Variants in GRM8 observed in about 807,000 individuals in gnomAD.
GRM8 encodes the protein metabotropic glutamate receptor 8.
A neutral mutation model predicts 87.2 loss-of-function variants in GRM8; 47 were observed. The ratio of observed to expected loss-of-function variants is 0.54; its 90% CI spans 0.43 to 0.69. The LOEUF (loss-of-function observed/expected upper bound fraction) is 0.69. Ranked by LOEUF, GRM8 falls within the 30% of genes least tolerant of loss-of-function variation. The pLI is 0.00. For synonymous variants in GRM8, 396 were observed against 404.5 expected (o/e 0.98, Z 0.25); for missense variants, 1,019 against 1,139.2 (o/e 0.89, Z 1.52).
intron 7 of GRM8, among the ~76,000 whole-genome samples, chr7:126,696,400 A>G (rs927830212): frequency 1.3e-5 from 2 of 152,030 alleles, no homozygotes; most frequent in Non-Finnish European, 2.9e-5. Flanking sequence ...TACTCCTGAC[A>G]GGCCCCAGTG....
intron 8 of GRM8, among the ~76,000 whole-genome samples, chr7:126,583,498 C>T (rs915855404): frequency 6.6e-6 from 1 of 152,102 alleles, no homozygotes; most frequent in African/African-American, 2.4e-5. Context: ...AAAGGCTTCA[C>T]CATTCTAGAT....
chr7:127,176,898 G>A (rs1437331080), intron 2 of GRM8, among the ~76,000 whole-genome samples: 2 of 152,128 alleles, frequency 1.3e-5, no homozygotes, highest in Non-Finnish European at 2.9e-5. Flanking sequence ...GGCACCACAG[G>A]GATCCATTGG....
rs1055804760 is a variant in GRM8 at position 126,661,298 on chromosome 7, C to T, written c.1358-51800G>A. On this transcript the variant is annotated intron_variant, in intron 7 of 10. Transcript: ENST00000339582. ...TCATGTACCCCATAAGTATATATAC[C>T]TACAATATACCTACACAAATTAAAA... Among the ~76,000 whole-genome samples the T allele has an allele frequency of 3.4e-5, 5 of 145,490 alleles. No homozygotes were observed. In the East Asian group the frequency reaches 5.8e-4, roughly 17 times the overall value.
Position 126,926,211 on chromosome 7 carries a change from G to C in GRM8, c.728-21528C>G, listed in dbSNP as rs182428697. The stretch of plus-strand genomic sequence containing the variant: ...GTGTAAGCTATCAGGAGTTCTGAAA[G>C]TTAATAAAATTTTAAATTATAGCTC... On this transcript the variant is annotated intron_variant, in intron 3 of 10. Coordinates refer to ENST00000339582, the MANE Select transcript of GRM8 (RefSeq NM_000845.3). 7.9e-5 allele frequency among the ~76,000 whole-genome samples: 12 copies of C among 152,236 alleles called. No individual in the cohort carries two copies. The East Asian group carries it at 2.3e-3, about 29-fold the overall frequency.
intron 3 of GRM8, among the ~76,000 whole-genome samples, chr7:126,919,372 G>A (rs1403117609): frequency 6.6e-6 from 1 of 152,098 alleles, no homozygotes; most frequent in Admixed American, 6.6e-5. Flanking sequence ...GTTCTAATAC[G>A]GGAATAGAAC....
intron 3 of GRM8, among the ~76,000 whole-genome samples, chr7:126,976,516 C>T (rs879757246): frequency 5.9e-5 from 9 of 152,104 alleles, no homozygotes; most frequent in Non-Finnish European, 1.0e-4. Context: ...ATCGCTTGAA[C>T]CTAGGAGGCG....
chr7:127,009,062 C>T lies in GRM8; in HGVS notation c.727+97434G>A, dbSNP rs527672481. On this transcript the variant is annotated intron_variant, in intron 3 of 10. Coordinates refer to ENST00000339582, the MANE Select transcript of GRM8 (RefSeq NM_000845.3). ...ACTTTTCCTGTAGTGACAGGGGAAACCAATGATCCAGTTTTTTTTTTTTCC... is the reference window on the plus strand; with the variant it reads ...ACTTTTCCTGTAGTGACAGGGGAAATCAATGATCCAGTTTTTTTTTTTTCC... 2.4e-3 allele frequency among the ~76,000 whole-genome samples: 359 copies of T among 152,052 alleles called. 4 individuals are homozygous for T. Among genetic ancestry groups the T allele is most frequent in the Middle Eastern group, 6.8e-3 (2 of 294 alleles).
At chr7:127,216,472 C>T (rs961038181) in intron 2 of GRM8, among the ~76,000 whole-genome samples, 1 of 145,200 alleles carries the variant, frequency 6.9e-6, no homozygotes, top group Non-Finnish European at 1.5e-5. Flanking sequence ...GAGCCAAGAT[C>T]GCGCCACTGC....
chr7:127,250,476 C>T (rs1798807865), intron 1 of GRM8, among the ~76,000 whole-genome samples: 1 of 152,222 alleles, frequency 6.6e-6, no homozygotes, highest in Non-Finnish European at 1.5e-5. Context: ...TTGTCTCCTA[C>T]AAAGCCTCCC....
intron 3 of GRM8, among the ~76,000 whole-genome samples, chr7:126,928,529 G>A (rs2535944): frequency 0.4 from 61,396 of 151,618 alleles, 12,707 homozygotes; most frequent in East Asian, 0.66. Context: ...AAAATTAACC[G>A]GGTATGGTGG....
At position 127,089,039 on chromosome 7, in the gene GRM8, G is replaced by A. The variant is rs17866746; in HGVS notation, c.727+17457C>T. Among the ~76,000 whole-genome samples the A allele has an allele frequency of 1.7e-4, 26 of 152,344 alleles. No homozygotes were observed. The South Asian group carries it at 2.9e-3, about 17-fold the overall frequency. On this transcript the variant is annotated intron_variant, in intron 3 of 10. Transcript: ENST00000339582. Reference sequence around the variant, plus strand: ...TCACCCCAGAAGATATGTCCACCTGGAGCCTCAGAATGTGACTTTATCTGG... The same window carrying A: ...TCACCCCAGAAGATATGTCCACCTGAAGCCTCAGAATGTGACTTTATCTGG...
At chr7:126,707,676 T>TACATTTGAA (rs1810671701) in intron 7 of GRM8, among the ~76,000 whole-genome samples, 1 of 152,162 alleles carries the variant, frequency 6.6e-6, no homozygotes, top group Non-Finnish European at 1.5e-5. Flanking sequence ...TTTTATAAAT[T>TACATTTGAA]ACATTTGAAA....
At chr7:127,176,867 C>A (rs1009820805) in intron 2 of GRM8, among the ~76,000 whole-genome samples, 5 of 152,112 alleles carry the variant, frequency 3.3e-5, no homozygotes, top group Non-Finnish European at 7.4e-5. Flanking sequence ...TGCTGTGTAC[C>A]CTAGCAGCCC....
intron 7 of GRM8, among the ~76,000 whole-genome samples, chr7:126,675,893 C>G (rs1180783027): frequency 6.6e-6 from 1 of 152,124 alleles, no homozygotes; most frequent in African/African-American, 2.4e-5. Flanking sequence ...CTAGCCAGAG[C>G]AGTCAGGCAA....
At chr7:126,815,925 T>C (rs1793745655) in intron 6 of GRM8, among the ~76,000 whole-genome samples, 1 of 152,060 alleles carries the variant, frequency 6.6e-6, no homozygotes. Context: ...CCGTAAATGG[T>C]GAAGGTCTTA....
chr7:127,014,062 G>T (rs935595813), intron 3 of GRM8, among the ~76,000 whole-genome samples: 1 of 152,134 alleles, frequency 6.6e-6, no homozygotes, highest in Non-Finnish European at 1.5e-5. Context: ...CATTCCTCTT[G>T]GTGTGCAGTG....
chr7:126,765,991 C>T (rs976711110), intron 7 of GRM8, among the ~76,000 whole-genome samples: 3 of 152,088 alleles, frequency 2.0e-5, no homozygotes, highest in African/African-American at 7.2e-5. Flanking sequence ...TAGTACTCTA[C>T]AGTTCAGCAG....
intron 2 of GRM8, among the ~76,000 whole-genome samples, chr7:127,126,990 C>G (rs950178279): frequency 1.3e-5 from 2 of 151,908 alleles, no homozygotes; most frequent in African/African-American, 4.8e-5. Context: ...TCATATTACT[C>G]TTCAGGGAAA....
intron 8 of GRM8, among the ~76,000 whole-genome samples, chr7:126,555,603 A>C (rs1160934673): frequency 6.6e-6 from 1 of 152,138 alleles, no homozygotes; most frequent in African/African-American, 2.4e-5. Context: ...TCTTATATCA[A>C]ATTATTTTTA....
Sources: allele counts gnomAD v4.1 joint callset (sites outside exome capture counted in the v4.1 genomes callset), GRCh38; gene constraint gnomAD v4.1.1; transcripts MANE v1.5; gene names NCBI Gene and HGNC (gene_info 2026-07-23, HGNC 2026-07-21).